Variants in ZMYND11 observed in about 807,000 individuals in gnomAD.
ZMYND11 encodes zinc finger MYND-type containing 11, also known as zinc finger MYND domain-containing protein 11.
A neutral mutation model predicts 84.9 loss-of-function variants in ZMYND11; 9 were observed. That is an observed-to-expected ratio of 0.11 (90% confidence interval 0.06 to 0.18). The LOEUF (loss-of-function observed/expected upper bound fraction) is 0.18. Among genes scored for constraint, ZMYND11 ranks in the 10% least tolerant of loss-of-function variants. ZMYND11 has a pLI of 1.00. For missense variants in ZMYND11, 409 were observed against 761.0 expected, an observed-to-expected ratio of 0.54 and a Z score of 5.44; for synonymous variants, 250 against 244.1, an observed-to-expected ratio of 1.02 and a Z score of -0.23.
intron 3 of ZMYND11, among the ~76,000 whole-genome samples, chr10:218,717 C>T (rs1946611163): frequency 3.9e-5 from 6 of 152,146 alleles, no homozygotes. Context: ...TACGCTGTTA[C>T]TCAGGCTATC....
At chr10:143,037 G>A (rs1442362442) in intron 1 of ZMYND11, among the ~76,000 whole-genome samples, 1 of 152,192 alleles carries the variant, frequency 6.6e-6, no homozygotes, top group Non-Finnish European at 1.5e-5. Context: ...CAACACTAAA[G>A]TATTCTTGCT....
At chr10:158,964 T>C (rs2379051) in intron 1 of ZMYND11, among the ~76,000 whole-genome samples, 2,955 of 148,918 alleles carry the variant, frequency 0.02, 114 homozygotes, top group African/African-American at 0.066. Flanking sequence ...TTATCAGATA[T>C]ATGATTTGCA....
intron 4 of ZMYND11, among the ~76,000 whole-genome samples, chr10:234,982 ATGTGTGTGTGTGTGTGTG>A (rs60483060): frequency 1.3e-5 from 2 of 148,884 alleles, no homozygotes; most frequent in African/African-American, 4.9e-5. Flanking sequence ...TATTTCGCAA[ATGTGTGTGTGTGTGTGTG>A]TGTGTGTGTG....
intron 1 of ZMYND11, among the ~76,000 whole-genome samples, chr10:139,595 A>G (rs1836982802): frequency 6.6e-6 from 1 of 152,166 alleles, no homozygotes; most frequent in African/African-American, 2.4e-5. Context: ...TTTATAACAT[A>G]AATGAGGACC....
chr10:225,674 A>T (rs1223142669), intron 4 of ZMYND11, among the ~76,000 whole-genome samples: 1 of 151,976 alleles, frequency 6.6e-6, no homozygotes, highest in Non-Finnish European at 1.5e-5. Flanking sequence ...CTTCATTTTC[A>T]TATATATAGT....
At chr10:230,686 C>G (rs1408893882) in intron 4 of ZMYND11, among the ~76,000 whole-genome samples, 1 of 152,120 alleles carries the variant, frequency 6.6e-6, no homozygotes, top group African/African-American at 2.4e-5. Flanking sequence ...AAATGGTTCA[C>G]ACATCAGAAA....
intron 4 of ZMYND11, among the ~76,000 whole-genome samples, chr10:232,518 G>A (rs1949178867): frequency 6.6e-6 from 1 of 152,194 alleles, no homozygotes; most frequent in African/African-American, 2.4e-5. Flanking sequence ...TCAGTTCAGC[G>A]AGAAAGCTCC....
chr10:215,510 G>A (rs907718945), intron 3 of ZMYND11, among the ~76,000 whole-genome samples: 10 of 151,486 alleles, frequency 6.6e-5, no homozygotes, highest in Middle Eastern at 3.4e-3. Context: ...GCAACTGCAC[G>A]CATGATATTA....
intron 10 of ZMYND11, 75 bp from the exon 11 acceptor site, chr10:246,691 C>A: frequency 7.2e-7 from 1 of 1,386,642 alleles, no homozygotes; most frequent in Non-Finnish European, 1.0e-6. Flanking sequence ...CAGGCAGGGT[C>A]CACTGAAGCC....
intron 5 of ZMYND11, 93 bp from the exon 6 acceptor site, chr10:237,491 AT>A: frequency 2.7e-6 from 2 of 753,250 alleles, no homozygotes; most frequent in South Asian, 4.6e-5. Flanking sequence ...AAAATAAAAA[AT>A]AAAAAGGTAG....
Position 186,302 on chromosome 10 carries a change from C to T in ZMYND11, c.116+6174C>T, listed in dbSNP as rs138468769. On this transcript the variant is annotated intron_variant, in intron 2 of 14. Transcript: ENST00000381604. ...CTGGGACTAGAGGTGTGAGCCACCG[C>T]GCCAGGCCAGGATTCTTAACATAGC... 5.1e-3 allele frequency among the ~76,000 whole-genome samples: 769 copies of T among 151,844 alleles called. 24 individuals are homozygous for T. The highest frequency in any genetic ancestry group is 0.043 in the Admixed American group (649 of 15,266).
chr10:150,094 C>T (rs908320483), intron 1 of ZMYND11, among the ~76,000 whole-genome samples: 1 of 152,132 alleles, frequency 6.6e-6, no homozygotes, highest in African/African-American at 2.4e-5. Flanking sequence ...GTGTCTCTGC[C>T]AGGCGTTGGT....
At chr10:222,981 C>G (rs935449967) in intron 4 of ZMYND11, among the ~76,000 whole-genome samples, 1 of 151,536 alleles carries the variant, frequency 6.6e-6, no homozygotes, top group Non-Finnish European at 1.5e-5. Context: ...ATACTTCTTC[C>G]GTCAGAATTC....
At chr10:220,252 T>C (rs1946923451) in intron 3 of ZMYND11, among the ~76,000 whole-genome samples, 1 of 152,174 alleles carries the variant, frequency 6.6e-6, no homozygotes, top group Admixed American at 6.6e-5. Flanking sequence ...AGTGGCCCTG[T>C]TTATACTAAC....
At chr10:219,874 C>T (rs1220595697) in intron 3 of ZMYND11, among the ~76,000 whole-genome samples, 2 of 152,152 alleles carry the variant, frequency 1.3e-5, no homozygotes, top group Non-Finnish European at 2.9e-5. Flanking sequence ...CTGCCAATTT[C>T]TTAATAAAAA....
chr10:200,901 A>G (rs1025943023), intron 2 of ZMYND11, among the ~76,000 whole-genome samples: 2 of 152,116 alleles, frequency 1.3e-5, no homozygotes, highest in Non-Finnish European at 2.9e-5. Context: ...CTTTTAATTT[A>G]CAAAATGGAA....
Position 246,915 on chromosome 10 carries a change from A to G in ZMYND11, c.1100A>G (p.Asn367Ser), listed in dbSNP as rs1045031152. ...GAAGGGAGATTTTGGAAATCTAAGA[A>G]TGAGGACCGAGGTGAGGAAGAGGCA... is the stretch of plus-strand genomic sequence containing the variant. Reference protein sequence around the residue: ...LREGRFWKSKNEDRGEEEAES... With the variant: ...LREGRFWKSKSEDRGEEEAES... Residue 367 changes from asparagine (N) to serine (S), a missense_variant, in exon 11 of 15, where the codon AAT becomes AGT. Asn to Ser is a conservative substitution (Grantham distance 46, BLOSUM62 1). Coordinates refer to ENST00000381604, the MANE Select transcript of ZMYND11 (RefSeq NM_001370100.5). 1 of 1,613,188 alleles carries G rather than the reference A, an allele frequency of 6.2e-7. No homozygotes were observed. Among genetic ancestry groups the G allele is most frequent in the Non-Finnish European group, 8.5e-7 (1 of 1,179,680 alleles).
rs1953669491 is a variant in ZMYND11, at chr10:252,256, T to C, written c.1687-92T>C. On this transcript the variant is annotated intron_variant, in intron 14 of 14. Transcript: ENST00000381604. This position sits in a 1 kb window ranked among gnomAD's most constrained non-coding sequence, Gnocchi z 4.6. ...CAAAAGGTTGAGCCAGAAAGATCTT[T>C]TAAAAGCACCACCTCAAGAGTTTGC... is the stretch of plus-strand genomic sequence containing the variant. 2.0e-6 allele frequency: 3 copies of C among 1,468,410 alleles called. No homozygotes were observed. In the South Asian group the frequency reaches 3.8e-5, roughly 19 times the overall value. 91.0% of individuals were successfully genotyped at this position (1,468,410 alleles called of 1,614,324 possible).
chr10:226,388 T>C (rs527389126), intron 4 of ZMYND11, among the ~76,000 whole-genome samples: 1 of 152,278 alleles, frequency 6.6e-6, no homozygotes, highest in Admixed American at 6.5e-5. Flanking sequence ...TAGATTTTTT[T>C]CCCCAAAATA....
Sources: allele counts gnomAD v4.1 joint callset (sites outside exome capture counted in the v4.1 genomes callset), GRCh38; gene constraint gnomAD v4.1.1; non-coding constraint Gnocchi (gnomAD v3.1); transcripts MANE v1.5; gene names NCBI Gene and HGNC (gene_info 2026-07-23, HGNC 2026-07-21).